Variants in PDZK1 observed in about 807,000 individuals in gnomAD.
The protein encoded by PDZK1 is PDZ domain containing 1, also known as Na(+)/H(+) exchange regulatory cofactor NHE-RF3.
In PDZK1, 23 loss-of-function variants were observed where a neutral mutation model predicts 38.1. The ratio of observed to expected loss-of-function variants is 0.60; its 90% CI spans 0.43 to 0.85. PDZK1 has a LOEUF of 0.85. Ranked by LOEUF, PDZK1 falls within the 40% of genes least tolerant of loss-of-function variation. The probability of loss-of-function intolerance (pLI) is 0.00; values close to 1 mark genes in which losing one functional copy is unlikely to be tolerated. For synonymous variants in PDZK1, 98 were observed against 186.2 expected (o/e 0.53, Z 3.86); for missense variants, 297 against 504.3 (o/e 0.59, Z 3.94).
At chr1:145,686,934 A>AAT (rs1380564062) in intron 2 of PDZK1, among the ~76,000 whole-genome samples, 1 of 152,010 alleles carries the variant, frequency 6.6e-6, no homozygotes, top group African/African-American at 2.4e-5. Context: ...GCACTGCTGG[A>AAT]ATATAGAGTG....
intron 1 of PDZK1, among the ~76,000 whole-genome samples, 169 bp downstream of exon 1, chr1:145,707,148 C>G (rs1559082889): frequency 6.6e-6 from 1 of 152,062 alleles, no homozygotes; most frequent in Non-Finnish European, 1.5e-5. Flanking sequence ...TGGATCATCT[C>G]TCACCCCCAA....
chr1:145,701,883 G>C (rs1474230646), intron 1 of PDZK1, among the ~76,000 whole-genome samples: 1 of 152,120 alleles, frequency 6.6e-6, no homozygotes, highest in Admixed American at 6.6e-5. Flanking sequence ...TCATATTTAA[G>C]GCTGCCTGGA....
At chr1:145,681,273 T>G (rs1188597893) in intron 4 of PDZK1, among the ~76,000 whole-genome samples, 166 bp from the exon 5 acceptor site, 2 of 144,326 alleles carry the variant, frequency 1.4e-5, no homozygotes, top group Non-Finnish European at 3.0e-5. Flanking sequence ...CTAACTGATA[T>G]GTATTTATCG....
chr1:145,677,573 C>T (rs191479401), intron 6 of PDZK1, among the ~76,000 whole-genome samples: 21 of 151,202 alleles, frequency 1.4e-4, no homozygotes, highest in Admixed American at 4.6e-4. Context: ...ACAAGATTAT[C>T]TTGAAAAAAT....
intron 8 of PDZK1, 79 bp downstream of exon 8, chr1:145,672,651 T>TAGAC (rs1553698178): frequency 6.5e-7 from 1 of 1,542,824 alleles, no homozygotes; most frequent in Non-Finnish European, 8.8e-7. Flanking sequence ...GTGGCAAACA[T>TAGAC]AGACATTAAA....
At chr1:145,695,787 C>T (rs1034605534) in intron 1 of PDZK1, among the ~76,000 whole-genome samples, 8 of 152,154 alleles carry the variant, frequency 5.3e-5, no homozygotes, top group African/African-American at 1.7e-4. Flanking sequence ...CTGCCTGACC[C>T]ACATAGCAGC....
chr1:145,706,316 A>G (rs1395984049), intron 1 of PDZK1, among the ~76,000 whole-genome samples: 1 of 152,250 alleles, frequency 6.6e-6, no homozygotes, highest in East Asian at 1.9e-4. Context: ...TGCAGAGAAC[A>G]TACAAAAGTC....
intron 3 of PDZK1, among the ~76,000 whole-genome samples, chr1:145,683,364 A>G (rs1654446952): frequency 6.6e-6 from 1 of 152,202 alleles, no homozygotes; most frequent in African/African-American, 2.4e-5. Flanking sequence ...CCCACACTGC[A>G]TTATTGTGTC....
chr1:145,707,213 AGCCAGCTACTG>A (rs1427645292), intron 1 of PDZK1, 93 bp downstream of exon 1: 1 of 152,334 alleles, frequency 6.6e-6, no homozygotes, highest in Non-Finnish European at 1.5e-5. Flanking sequence ...TGCCCTAGAC[AGCCAGCTACTG>A]GCTTGGAAAA....
chr1:145,684,128 T>G (rs1571602112), intron 3 of PDZK1, among the ~76,000 whole-genome samples: 1 of 151,772 alleles, frequency 6.6e-6, no homozygotes, highest in South Asian at 2.1e-4. Flanking sequence ...ATTACAGATA[T>G]GAGCCACTGT....
intron 6 of PDZK1, among the ~76,000 whole-genome samples, chr1:145,677,204 A>G (rs1653770348): frequency 6.6e-6 from 1 of 152,192 alleles, no homozygotes; most frequent in Non-Finnish European, 1.5e-5. Flanking sequence ...CTTTTTCTGT[A>G]GTCCTCAAAT....
chr1:145,672,618 A>G (rs1301097277), intron 8 of PDZK1, 112 bp downstream of exon 8: 8 of 1,394,368 alleles, frequency 5.7e-6, no homozygotes, highest in South Asian at 2.7e-5. Flanking sequence ...TTACATTTTC[A>G]TTTTCTAGTT....
Position 145,676,507 on chromosome 1 carries a change from G to A in PDZK1, c.990+1942C>T, listed in dbSNP as rs374546951. On this transcript the variant is annotated intron_variant, in intron 6 of 8. Coordinates refer to ENST00000417171, the MANE Select transcript of PDZK1 (RefSeq NM_001201325.2). ...TCCCAGCACTTTGGGAGGCCGAGGC[G>A]GGCGGATCACAAGGTCAGGAGATCG... is the stretch of plus-strand genomic sequence containing the variant. Among the ~76,000 whole-genome samples, 51 of 150,880 alleles carry A rather than the reference G, an allele frequency of 3.4e-4. 2 individuals carry two copies. In the East Asian group the frequency reaches 8.0e-3, roughly 24 times the overall value.
chr1:145,679,267 C>G (rs756378640), intron 5 of PDZK1, among the ~76,000 whole-genome samples: 2 of 150,896 alleles, frequency 1.3e-5, no homozygotes, highest in Non-Finnish European at 2.9e-5. Flanking sequence ...GTAATGTATT[C>G]AAGCCAAAAA....
At chr1:145,695,621 G>A (rs1655587065) in intron 1 of PDZK1, among the ~76,000 whole-genome samples, 1 of 152,150 alleles carries the variant, frequency 6.6e-6, no homozygotes, top group Non-Finnish European at 1.5e-5. Flanking sequence ...TTAGCTTGGT[G>A]GAAAGGGGCA....
intron 2 of PDZK1, among the ~76,000 whole-genome samples, chr1:145,687,076 G>T (rs1654839477): frequency 6.6e-6 from 1 of 152,174 alleles, no homozygotes; most frequent in African/African-American, 2.4e-5. Flanking sequence ...TGCTTTTGGA[G>T]TCAGGCAGAA....
At chr1:145,692,449 G>C (rs915320663) in intron 1 of PDZK1, among the ~76,000 whole-genome samples, 3 of 152,176 alleles carry the variant, frequency 2.0e-5, no homozygotes, top group Non-Finnish European at 4.4e-5. Context: ...GGTGGCTCAC[G>C]CCTGTAATCC....
chr1:145,681,597 A>T (rs1251114156), intron 4 of PDZK1, among the ~76,000 whole-genome samples: 3 of 137,480 alleles, frequency 2.2e-5, no homozygotes, highest in African/African-American at 8.7e-5. Context: ...CCCTATCTCC[A>T]CTTCTATAGT....
intron 8 of PDZK1, 148 bp downstream of exon 8, chr1:145,672,582 A>G (rs1234949651): frequency 2.1e-6 from 2 of 966,764 alleles, no homozygotes; most frequent in Non-Finnish European, 3.1e-6. Flanking sequence ...CCTGTCCTCT[A>G]CAATAACTTG....
Sources: allele counts gnomAD v4.1 joint callset (sites outside exome capture counted in the v4.1 genomes callset), GRCh38; gene constraint gnomAD v4.1.1; transcripts MANE v1.5; gene names NCBI Gene and HGNC (gene_info 2026-07-23, HGNC 2026-07-21).